COL1A2: variants seen among roughly 807,000 people sequenced by gnomAD.
COL1A2 encodes the protein collagen type I alpha 2 chain.
Under a neutral mutation model 174.3 loss-of-function variants are expected in COL1A2, and 49 were observed. The ratio of observed to expected loss-of-function variants is 0.28; its 90% CI spans 0.22 to 0.36. COL1A2 has a LOEUF of 0.36. Ranked by LOEUF, COL1A2 falls within the 10% of genes least tolerant of loss-of-function variation. The probability of loss-of-function intolerance (pLI) is 1.00; values close to 1 mark genes in which losing one functional copy is unlikely to be tolerated. For synonymous variants in COL1A2, 655 were observed against 606.6 expected (o/e 1.08, Z -1.17); for missense variants, 1,438 against 1,822.7 (o/e 0.79, Z 3.84).
rs72659343 is a variant in COL1A2, at chr7:94,428,367, G to A, written c.3601G>A (p.Glu1201Lys). The A allele has an allele frequency of 2.5e-5, 41 of 1,613,924 alleles. No individual in the cohort carries two copies. The highest frequency in any genetic ancestry group is 9.3e-5 in the African/African-American group (7 of 74,898). ...AGTATACTGTGATTTCTCTACTGGC[G>A]AAACCTGTATCCGGGCCCAACCTGA... ...IKVYCDFSTG[E>K]TCIRAQPENI... The change falls in exon 50 of 52, where the codon GAA becomes AAA. Residue 1201 changes from glutamate (E) to lysine (K), a missense_variant. Physicochemically the swap from Glu to Lys is moderately conservative, Grantham distance 56 (BLOSUM62 1). This residue lies in a region of COL1A2 where 290 missense variants were observed against 298.1 expected (regional missense o/e 0.97). Transcript: ENST00000297268.
chr7:94,409,905 GTTTTAT>G, intron 19 of COL1A2, 84 bp downstream of exon 19: 1 of 1,322,064 alleles, frequency 7.6e-7, no homozygotes, highest in South Asian at 1.2e-5. Context: ...TCCACTTGTA[GTTTTAT>G]TATTCCTATT....
At position 94,400,283 on chromosome 7, in the gene COL1A2, G is replaced by A. The variant is rs776365460; in HGVS notation, c.220G>A (p.Gly74Ser). 26 of 1,613,408 alleles carry A rather than the reference G, an allele frequency of 1.6e-5. No individual in the cohort carries two copies. The highest frequency in any genetic ancestry group is 9.3e-5 in the African/African-American group (7 of 74,904). The change falls in exon 5 of 52, where the codon GGT (glycine) becomes AGT (serine). Residue 74 changes from glycine (G) to serine (S), a missense_variant. Physicochemically the swap from Gly to Ser is moderately conservative, Grantham distance 56. Coordinates refer to ENST00000297268, the MANE Select transcript of COL1A2 (RefSeq NM_000089.4). ...TGGTCCTCCTGGCCCCCCTGGTCTC[G>A]GTGGGGTAAGGTGTCTTACGTATTG... ...PPGPPGPPGL[G>S]GNFAAQYDGK...
intron 33 of COL1A2, among the ~76,000 whole-genome samples, chr7:94,419,290 C>G (rs1448777819): frequency 1.3e-5 from 2 of 149,204 alleles, no homozygotes; most frequent in Non-Finnish European, 3.0e-5. Flanking sequence ...TTTCCATAAC[C>G]TTTATTACTG....
intron 42 of COL1A2, 150 bp downstream of exon 42, chr7:94,425,374 A>C: frequency 3.4e-6 from 3 of 874,470 alleles, no homozygotes; most frequent in Non-Finnish European, 3.6e-6. Context: ...GAAAATATGA[A>C]AATTGCTTAG....
intron 14 of COL1A2, 33 bp downstream of exon 14, chr7:94,408,269 T>C: frequency 1.2e-6 from 2 of 1,613,690 alleles, no homozygotes; most frequent in South Asian, 1.1e-5. Flanking sequence ...AGTTTCATCC[T>C]TTTAAAAAAT....
intron 24 of COL1A2, 88 bp downstream of exon 24, chr7:94,412,209 A>C: frequency 9.0e-7 from 1 of 1,108,014 alleles, no homozygotes; most frequent in East Asian, 2.5e-5. Context: ...ATACATGAAC[A>C]CATTGAAAAT....
intron 47 of COL1A2, 23 bp downstream of exon 47, chr7:94,427,084 A>C: frequency 3.1e-6 from 5 of 1,612,856 alleles, no homozygotes; most frequent in Non-Finnish European, 4.2e-6. Context: ...AAGAGAAGAC[A>C]GTTCATCTCT....
intron 30 of COL1A2, 31 bp from the exon 31 acceptor site, chr7:94,416,374 G>A (rs1319251712): frequency 1.3e-6 from 2 of 1,526,148 alleles, no homozygotes; most frequent in South Asian, 2.4e-5. Context: ...GTGATGAATG[G>A]TGCAACACTT....
rs1459920161 is a variant in COL1A2 at position 94,412,063 on chromosome 7, T to C, written c.1351-5T>C. The C allele has an allele frequency of 1.2e-6, 2 of 1,610,260 alleles. No individual in the cohort carries two copies. The highest frequency in any genetic ancestry group is 1.3e-5 in the African/African-American group (1 of 74,994). On this transcript the variant is annotated splice_polypyrimidine_tract_variant and splice_region_variant and intron_variant, in intron 23 of 51. Transcript: ENST00000297268. ...AATATAAAAACATCCTCATTTATTT[T>C]ATAGGGTCTTCCTGGTTCCCCTGGA...
rs773076754 is a variant in COL1A2, at chr7:94,425,794, A to T, written c.2880A>T (p.Ala960=). The change falls in exon 44 of 52, where the codon GCA becomes GCT. Residue 960 remains alanine, a synonymous_variant. Transcript: ENST00000297268. The part of the protein sequence containing the change: ...YPGNIGPVGA[A]GAPGPHGPVG... ...GCAATATTGGTCCCGTTGGTGCTGC[A>T]GGTGCACCTGGTCCTCATGGCCCCG... is the stretch of plus-strand genomic sequence containing the variant. 15 of 1,612,886 alleles carry T rather than the reference A, an allele frequency of 9.3e-6. No individual in the cohort carries two copies. In the Admixed American group the frequency reaches 2.5e-4, roughly 27 times the overall value.
chr7:94,413,539 G>A (rs934727041), intron 26 of COL1A2, 151 bp from the exon 27 acceptor site: 8 of 753,498 alleles, frequency 1.1e-5, no homozygotes, highest in Non-Finnish European at 1.9e-5. Flanking sequence ...AAGTTAGTAG[G>A]CAGTATTTGG....
Position 94,412,601 on chromosome 7 carries a change from C to T in COL1A2, c.1422C>T (p.Asp474=), listed in dbSNP as rs766360064. Reference sequence around the variant, plus strand: ...GCTTTCAGGGCCTCCCTGGCATCGACGGCAGGCCTGGCCCAATTGGCCCAG... The same window carrying T: ...GCTTTCAGGGCCTCCCTGGCATCGATGGCAGGCCTGGCCCAATTGGCCCAG... ...KEGPVGLPGI[D]GRPGPIGPAG... is the part of the protein sequence containing the mutation. The change falls in exon 25 of 52, where the codon GAC becomes GAT. Residue 474 remains aspartate (D), a synonymous_variant. Coordinates refer to ENST00000297268, the MANE Select transcript of COL1A2 (RefSeq NM_000089.4). 20 of 1,613,768 alleles carry T rather than the reference C, an allele frequency of 1.2e-5. No homozygotes were observed. The African/African-American group carries it at 1.3e-4, about 11-fold the overall frequency.
intron 38 of COL1A2, 135 bp downstream of exon 38, chr7:94,421,197 G>A: frequency 1.2e-6 from 1 of 851,004 alleles, no homozygotes; most frequent in Non-Finnish European, 2.0e-6. Context: ...TCTATTCAGA[G>A]CAATTCCGAT....
At chr7:94,415,661 T>C (rs1792025301) in intron 30 of COL1A2, among the ~76,000 whole-genome samples, 1 of 152,042 alleles carries the variant, frequency 6.6e-6, no homozygotes, top group Admixed American at 6.6e-5. Flanking sequence ...AGTAGTCATA[T>C]AAAGAAAAAA....
intron 32 of COL1A2, among the ~76,000 whole-genome samples, 154 bp downstream of exon 32, chr7:94,417,985 T>C (rs1792077440): frequency 6.6e-6 from 1 of 152,180 alleles, no homozygotes; most frequent in East Asian, 1.9e-4. Context: ...ACCTACACAT[T>C]TCTAAACTCA....
chr7:94,414,270 G>A lies in COL1A2; in HGVS notation c.1714G>A (p.Glu572Lys). 6.2e-7 allele frequency: 1 copy of A among 1,614,088 alleles called. No individual in the cohort carries two copies. Among genetic ancestry groups the A allele is most frequent in the Non-Finnish European group, 8.5e-7 (1 of 1,179,946 alleles). The change falls in exon 29 of 52, where the codon GAA (glutamate) becomes AAA (lysine). Residue 572 changes from glutamate to lysine, a missense_variant. Transcript: ENST00000297268. Reference sequence around the variant, plus strand: ...CGCTGGTGAAGTTGGCAAACCAGGAGAAAGGGTGAGTAAAACAAGTAATAG... The same window carrying A: ...CGCTGGTGAAGTTGGCAAACCAGGAAAAAGGGTGAGTAAAACAAGTAATAG... ...GPAGEVGKPG[E>K]RGLHGEFGLP... is the part of the protein sequence containing the mutation.
chr7:94,410,542 C>T lies in COL1A2; in HGVS notation c.1197+15C>T. The T allele has an allele frequency of 2.0e-6, 3 of 1,534,924 alleles. No homozygotes were observed. The highest frequency in any genetic ancestry group is 1.2e-5 in the South Asian group (1 of 83,704). On this transcript the variant is annotated intron_variant, in intron 21 of 51. Coordinates refer to ENST00000297268, the MANE Select transcript of COL1A2 (RefSeq NM_000089.4). The stretch of plus-strand genomic sequence containing the variant: ...CTGGGCTGAGAGTAGGTTTCAAATG[C>T]TCCCAACACCCTAACACACCAGAGG...
Position 94,413,890 on chromosome 7 carries a change from TC to T in COL1A2, c.1612-3del, listed in dbSNP as rs1332623599. The T allele has an allele frequency of 1.9e-6, 3 of 1,614,002 alleles. No individual in the cohort carries two copies. Among genetic ancestry groups the T allele is most frequent in the Non-Finnish European group, 2.5e-6 (3 of 1,179,962 alleles). ...ATTTATGCTCTCTTTCCTGTCACTT[TC>T]AGGGTGTTCAAGGTGGAAAAGGTGA... On this transcript the variant is annotated splice_region_variant and splice_polypyrimidine_tract_variant and intron_variant, in intron 27 of 51. Coordinates refer to ENST00000297268, the MANE Select transcript of COL1A2 (RefSeq NM_000089.4).
At position 94,415,273 on chromosome 7, in the gene COL1A2, A is replaced by G. The variant is rs1432256828; in HGVS notation, c.1764+3A>G. ...TCCCTGGTCCTGCTGGTCCAAGAGT[A>G]AGTGTTACTTCATTAACTTTCATAA... On this transcript the variant is annotated splice_donor_region_variant and intron_variant, in intron 30 of 51. Transcript: ENST00000297268. 1.2e-6 allele frequency: 2 copies of G among 1,613,560 alleles called. No homozygotes were observed. Among genetic ancestry groups the G allele is most frequent in the Non-Finnish European group, 1.7e-6 (2 of 1,179,490 alleles).
Sources: allele counts gnomAD v4.1 joint callset (sites outside exome capture counted in the v4.1 genomes callset), GRCh38; gene constraint gnomAD v4.1.1; regional missense constraint gnomAD v4.1.1; transcripts MANE v1.5; gene names NCBI Gene and HGNC (gene_info 2026-07-23, HGNC 2026-07-21).